The following CD8B variants were observed in gnomAD, a reference collection of about 807,000 sequenced individuals.
CD8B encodes T-cell surface glycoprotein CD8 beta chain.
CD8B carries 6 observed loss-of-function variants against 24.2 expected under a neutral mutation model. The ratio of observed to expected loss-of-function variants is 0.25; its 90% CI spans 0.14 to 0.49. CD8B has a LOEUF of 0.49. Ranked by LOEUF, CD8B falls within the 20% of genes least tolerant of loss-of-function variation. The probability of loss-of-function intolerance (pLI) is 0.98; values close to 1 mark genes in which losing one functional copy is unlikely to be tolerated. For missense variants in CD8B, 196 were observed against 271.3 expected (o/e 0.72, Z 1.95); for synonymous variants, 84 against 108.3 (o/e 0.78, Z 1.39).
At chr2:86,827,130 T>C (rs1470298257) in intron 5 of CD8B, among the ~76,000 whole-genome samples, 1 of 152,022 alleles carries the variant, frequency 6.6e-6, no homozygotes, top group Non-Finnish European at 1.5e-5. Flanking sequence ...TGACTGTGGA[T>C]TTTGTGGCAG....
At chr2:86,847,550 T>C (rs938864314) in intron 3 of CD8B, among the ~76,000 whole-genome samples, 4 of 151,730 alleles carry the variant, frequency 2.6e-5, no homozygotes, top group African/African-American at 4.9e-5. Flanking sequence ...TTTGTTCGTT[T>C]GTTTGTTTGT....
intron 5 of CD8B, among the ~76,000 whole-genome samples, chr2:86,831,662 A>G (rs1054463883): frequency 2.9e-5 from 2 of 69,354 alleles, no homozygotes; most frequent in Admixed American, 2.9e-4. Flanking sequence ...CTGATGAGGC[A>G]GCAGAAACCC....
chr2:86,818,227 A>T (rs894496852), intron 5 of CD8B, among the ~76,000 whole-genome samples: 6 of 151,912 alleles, frequency 3.9e-5, no homozygotes, highest in African/African-American at 1.4e-4. Flanking sequence ...TAAATAAATA[A>T]AAATAAATAA....
intron 5 of CD8B, among the ~76,000 whole-genome samples, chr2:86,831,686 C>T (rs1266239948): frequency 6.6e-6 from 1 of 152,090 alleles, no homozygotes; most frequent in African/African-American, 2.4e-5. Context: ...AGCCAGAACA[C>T]CGCTAACCAG....
At chr2:86,837,878 T>A (rs1675242999), downstream of CD8B, among the ~76,000 whole-genome samples, 1 of 152,160 alleles carries the variant, frequency 6.6e-6, no homozygotes, top group Admixed American at 6.5e-5. Flanking sequence ...GTACTATAGA[T>A]GTTCTCCTTC....
At chr2:86,852,402 G>T (rs1676020399) in intron 3 of CD8B, among the ~76,000 whole-genome samples, 1 of 152,032 alleles carries the variant, frequency 6.6e-6, no homozygotes, top group Non-Finnish European at 1.5e-5. Flanking sequence ...TATTCATGGA[G>T]TTGTGCAACC....
intron 5 of CD8B, chr2:86,843,421 G>A (rs1277897671): frequency 2.0e-6 from 2 of 976,560 alleles, no homozygotes; most frequent in East Asian, 2.3e-4. Context: ...CTAGAGGTCT[G>A]GCCTGAGACA....
At chr2:86,859,107 C>T (rs1268286347) in intron 1 of CD8B, among the ~76,000 whole-genome samples, 6 of 152,070 alleles carry the variant, frequency 3.9e-5, no homozygotes, top group Admixed American at 2.0e-4. Context: ...TCCAAACTGC[C>T]GAAGGAGACC....
chr2:86,858,889 GC>G (rs1297031132), intron 1 of CD8B, among the ~76,000 whole-genome samples: 1 of 151,984 alleles, frequency 6.6e-6, no homozygotes, highest in Non-Finnish European at 1.5e-5. Flanking sequence ...GAGAGTATAG[GC>G]ATGTACCACC....
In CD8B at chr2:86,839,649, A is replaced by T. The variant is rs1459832548; in HGVS notation, c.*2658T>A. On this transcript the variant is annotated 3_prime_UTR_variant, in exon 6 of 6. Transcript: ENST00000390655. ...CAGGTGCCTGCTGCACAGAAAACTG[A>T]CAGAGGAGCGCAAACCACCCCTGCC... 6.6e-6 allele frequency among the ~76,000 whole-genome samples: 1 copy of T among 152,238 alleles called. No homozygotes were observed. Among genetic ancestry groups the T allele is most frequent in the Non-Finnish European group, 1.5e-5 (1 of 68,040 alleles).
At chr2:86,847,539 G>T (rs918907008) in intron 3 of CD8B, among the ~76,000 whole-genome samples, 2 of 152,018 alleles carry the variant, frequency 1.3e-5, no homozygotes, top group Non-Finnish European at 2.9e-5. Flanking sequence ...TACATATAGG[G>T]TTTGTTCGTT....
chr2:86,839,621 C>T lies in CD8B; in HGVS notation c.*2686G>A, dbSNP rs1016035927. On this transcript the variant is annotated 3_prime_UTR_variant, in exon 6 of 6. Transcript: ENST00000390655. ...TGGGCAGCCGGAGCTGAGCCCGCCTCGGCAGGTGCCTGCTGCACAGAAAAC... is the reference window on the plus strand; with the variant it reads ...TGGGCAGCCGGAGCTGAGCCCGCCTTGGCAGGTGCCTGCTGCACAGAAAAC... Among the ~76,000 whole-genome samples, 10 of 152,352 alleles carry T rather than the reference C, an allele frequency of 6.6e-5. No individual in the cohort carries two copies. The East Asian group carries it at 7.7e-4, about 12-fold the overall frequency.
chr2:86,829,095 C>CTTTTCTT (rs1674804848), intron 5 of CD8B, among the ~76,000 whole-genome samples: 1 of 82,992 alleles, frequency 1.2e-5, no homozygotes, highest in Non-Finnish European at 2.2e-5. Flanking sequence ...ATGCTCTTTA[C>CTTTTCTT]TTTTTTTTTT....
At chr2:86,843,723 G>A (rs1675540091) in intron 5 of CD8B, 43 of 980,866 alleles carry the variant, frequency 4.4e-5, no homozygotes, top group South Asian at 1.9e-4. Context: ...CTCTGACTCC[G>A]GGGTCCTGGG....
chr2:86,861,422 T>C (rs566966591), intron 1 of CD8B, among the ~76,000 whole-genome samples: 1 of 152,082 alleles, frequency 6.6e-6, no homozygotes, highest in African/African-American at 2.4e-5. Context: ...GTAATAAAAA[T>C]GTGTCCACAG....
At chr2:86,836,077 A>G (rs1232164108), downstream of CD8B, among the ~76,000 whole-genome samples, 1 of 151,332 alleles carries the variant, frequency 6.6e-6, no homozygotes, top group Non-Finnish European at 1.5e-5. Flanking sequence ...CAGAGTAAAC[A>G]TCCCGAGTGG....
rs769105244 is a variant in CD8B at position 86,842,156 on chromosome 2, A to G, written c.*151T>C. 5.4e-6 allele frequency: 8 copies of G among 1,483,122 alleles called. No individual in the cohort carries two copies. Among genetic ancestry groups the G allele is most frequent in the Non-Finnish European group, 7.2e-6 (8 of 1,117,850 alleles). 91.9% of individuals were successfully genotyped at this position (1,483,122 alleles called of 1,614,324 possible). ...CAAGTTGCTCCCATGCACATCACAC[A>G]CAGAAAGGCCTTGCAGCAGTGAAAA... On this transcript the variant is annotated 3_prime_UTR_variant, in exon 6 of 6. Coordinates refer to ENST00000390655, the MANE Select transcript of CD8B (RefSeq NM_004931.5).
At chr2:86,823,010 T>C (rs1000576106) in intron 5 of CD8B, among the ~76,000 whole-genome samples, 65 of 152,214 alleles carry the variant, frequency 4.3e-4, no homozygotes, top group African/African-American at 1.5e-3. Context: ...CATTTCTAAG[T>C]ATACACTCCA....
chr2:86,860,710 G>C (rs1017329914), intron 1 of CD8B, among the ~76,000 whole-genome samples: 4 of 152,148 alleles, frequency 2.6e-5, no homozygotes, highest in African/African-American at 9.7e-5. Context: ...ATGTGCTCAC[G>C]AGCACACAGT....
Sources: allele counts gnomAD v4.1 joint callset (sites outside exome capture counted in the v4.1 genomes callset), GRCh38; gene constraint gnomAD v4.1.1; transcripts MANE v1.5; gene names NCBI Gene and HGNC (gene_info 2026-07-23, HGNC 2026-07-21).